PRKD3: variants seen among roughly 807,000 people sequenced by gnomAD.
PRKD3 encodes serine/threonine-protein kinase D3.
A neutral mutation model predicts 99.2 loss-of-function variants in PRKD3; 47 were observed. The ratio of observed to expected loss-of-function variants is 0.47; its 90% confidence interval spans 0.38 to 0.60. The LOEUF (loss-of-function observed/expected upper bound fraction) is 0.60, where lower values mean the gene tolerates loss of function less well. PRKD3 is among the 20% of genes least tolerant of loss of function. The pLI is 0.00. For synonymous variants in PRKD3, 392 were observed against 355.4 expected (o/e 1.10, Z -1.16); for missense variants, 1,019 against 1,088.4 (o/e 0.94, Z 0.90).
At chr2:37,274,335 T>C (rs1271358523) in intron 11 of PRKD3, 86 bp downstream of exon 11, 1 of 1,463,944 alleles carries the variant, frequency 6.8e-7, no homozygotes, top group African/African-American at 1.4e-5. Flanking sequence ...GGATGAACAT[T>C]AAAAGGAACA....
At chr2:37,268,359 TA>T (rs1238475771) in intron 13 of PRKD3, 1 of 470,906 alleles carries the variant, frequency 2.1e-6, no homozygotes, top group East Asian at 7.0e-5. Context: ...TAACTACTCT[TA>T]AAACTGACAA....
chr2:37,296,685 C>T (rs1457396040), intron 2 of PRKD3, among the ~76,000 whole-genome samples: 1 of 151,816 alleles, frequency 6.6e-6, no homozygotes, highest in East Asian at 1.9e-4. Context: ...ATCAGGAGGT[C>T]AAGAGATCAA....
chr2:37,260,742 G>A (rs1668370566), intron 14 of PRKD3, among the ~76,000 whole-genome samples: 1 of 152,090 alleles, frequency 6.6e-6, no homozygotes, highest in South Asian at 2.1e-4. Flanking sequence ...CAATTACACA[G>A]AAACCTTTGA....
intron 5 of PRKD3, among the ~76,000 whole-genome samples, chr2:37,286,859 G>A (rs1670118367): frequency 6.6e-6 from 1 of 152,084 alleles, no homozygotes; most frequent in Non-Finnish European, 1.5e-5. Context: ...ACAAGTTTCA[G>A]TAATTCAGCT....
At chr2:37,259,326 T>C (rs1668231302) in intron 16 of PRKD3, among the ~76,000 whole-genome samples, 1 of 152,226 alleles carries the variant, frequency 6.6e-6, no homozygotes, top group Admixed American at 6.5e-5. Flanking sequence ...GCTCACTTCG[T>C]TCCCAGCCCC....
chr2:37,259,095 CTACA>C (rs1668212961), intron 16 of PRKD3, among the ~76,000 whole-genome samples: 5 of 151,606 alleles, frequency 3.3e-5, no homozygotes, highest in African/African-American at 4.8e-5. Flanking sequence ...TCAGAGAGTG[CTACA>C]TGTAGCCAGG....
chr2:37,290,389 C>T (rs113978637), intron 4 of PRKD3, among the ~76,000 whole-genome samples: 2,504 of 152,252 alleles, frequency 0.016, 43 homozygotes, highest in African/African-American at 0.041. Flanking sequence ...TCCGCCACCA[C>T]GCCCGGCTAA....
chr2:37,310,256 G>C (rs1411186850), intron 2 of PRKD3, among the ~76,000 whole-genome samples: 1 of 152,156 alleles, frequency 6.6e-6, no homozygotes. Context: ...GTTTTCTTTT[G>C]AGTTTGGAAA....
In PRKD3 at chr2:37,297,070, A is replaced by C. The variant is rs538965539; in HGVS notation, c.289-3799T>G. On this transcript the variant is annotated intron_variant, in intron 2 of 18. Coordinates refer to ENST00000234179, the MANE Select transcript of PRKD3 (RefSeq NM_005813.6). ...CAGAACAAACAAAAACCAAACTGTTAATGAATTCAATATACAAGGATTTAC... is the reference window on the plus strand; with the variant it reads ...CAGAACAAACAAAAACCAAACTGTTCATGAATTCAATATACAAGGATTTAC... Among the ~76,000 whole-genome samples the C allele has an allele frequency of 8.5e-5, 13 of 152,220 alleles. No homozygotes were observed. The East Asian group carries it at 2.3e-3, about 27-fold the overall frequency.
chr2:37,305,439 A>G (rs1380644317), intron 2 of PRKD3, among the ~76,000 whole-genome samples: 3 of 152,212 alleles, frequency 2.0e-5, no homozygotes, highest in Non-Finnish European at 2.9e-5. Context: ...TCTCACTCCA[A>G]TTATATCTAC....
chr2:37,283,367 C>T (rs1669943780), intron 6 of PRKD3, among the ~76,000 whole-genome samples: 1 of 152,034 alleles, frequency 6.6e-6, no homozygotes, highest in Non-Finnish European at 1.5e-5. Flanking sequence ...TCTAATACCA[C>T]CTTTGAAATG....
At chr2:37,301,782 G>A (rs979341749) in intron 2 of PRKD3, among the ~76,000 whole-genome samples, 22 of 152,192 alleles carry the variant, frequency 1.4e-4, no homozygotes, top group Non-Finnish European at 4.4e-5. Flanking sequence ...AAGCAGCAGA[G>A]GTGATGACAT....
At chr2:37,306,073 T>C (rs914078570) in intron 2 of PRKD3, among the ~76,000 whole-genome samples, 3 of 151,552 alleles carry the variant, frequency 2.0e-5, no homozygotes, top group Admixed American at 2.0e-4. Context: ...GATTCTTTTT[T>C]TTTTTTTTTT....
intron 18 of PRKD3, 72 bp downstream of exon 18, chr2:37,254,131 CT>C (rs1667746396): frequency 9.1e-7 from 1 of 1,099,292 alleles, no homozygotes; most frequent in Non-Finnish European, 1.4e-6. Flanking sequence ...TTAGAGTGGT[CT>C]CATTAGGTGG....
chr2:37,291,091 G>T, intron 3 of PRKD3, 92 bp from the exon 4 acceptor site: 1 of 1,202,456 alleles, frequency 8.3e-7, no homozygotes, highest in Non-Finnish European at 1.1e-6. Context: ...AAAGTACACA[G>T]AATCATTTTT....
At position 37,316,352 on chromosome 2, in the gene PRKD3, T is replaced by C; in HGVS notation, c.173A>G (p.His58Arg). 3.7e-6 allele frequency: 6 copies of C among 1,614,218 alleles called. No homozygotes were observed. The highest frequency in any genetic ancestry group is 4.2e-6 in the Non-Finnish European group (5 of 1,180,022). Residue 58 changes from histidine to arginine, a missense_variant, in exon 2 of 19, where the codon CAT becomes CGT. Coordinates refer to ENST00000234179, the MANE Select transcript of PRKD3 (RefSeq NM_005813.6). ...PSLTNSRGSV[H>R]TVSFLLQIGL... is the part of the protein sequence containing the mutation. ...AATTTGCAGTAGAAATGAAACTGTATGCACTGAGCCTCTGGAGTTGGTGAG... is the reference window on the plus strand; with the variant it reads ...AATTTGCAGTAGAAATGAAACTGTACGCACTGAGCCTCTGGAGTTGGTGAG...
chr2:37,292,154 C>A (rs1441518537), intron 3 of PRKD3, among the ~76,000 whole-genome samples: 1 of 151,972 alleles, frequency 6.6e-6, no homozygotes, highest in African/African-American at 2.4e-5. Flanking sequence ...TTTCCTGATT[C>A]TCTTTTCTAA....
intron 3 of PRKD3, 58 bp from the exon 4 acceptor site, chr2:37,291,057 A>G (rs1670397141): frequency 1.4e-5 from 20 of 1,428,222 alleles, no homozygotes; most frequent in Non-Finnish European, 1.9e-5. Context: ...TGAGATTAAG[A>G]ATGCTCACAC....
intron 17 of PRKD3, 62 bp from the exon 18 acceptor site, chr2:37,254,351 A>C: frequency 2.3e-6 from 3 of 1,315,958 alleles, no homozygotes; most frequent in Non-Finnish European, 3.3e-6. Context: ...CAAACTTGTG[A>C]CTGCCTAGAA....
Sources: allele counts gnomAD v4.1 joint callset (sites outside exome capture counted in the v4.1 genomes callset), GRCh38; gene constraint gnomAD v4.1.1; transcripts MANE v1.5; gene names NCBI Gene and HGNC (gene_info 2026-07-23, HGNC 2026-07-21).